Variants in GNAO1 observed in about 807,000 individuals in gnomAD.
GNAO1 encodes guanine nucleotide-binding protein G(o) subunit alpha.
For missense variants in GNAO1, 166 were observed against 478.7 expected, an observed-to-expected ratio of 0.35 and a Z score of 6.10; for synonymous variants, 164 against 180.7, an observed-to-expected ratio of 0.91 and a Z score of 0.74.
At chr16:56,321,630 T>C (rs1337969794) in intron 3 of GNAO1, among the ~76,000 whole-genome samples, 1 of 152,174 alleles carries the variant, frequency 6.6e-6, no homozygotes, top group Non-Finnish European at 1.5e-5. Context: ...CAGACTGGGC[T>C]GGAGAAGGGT....
intron 6 of GNAO1, chr16:56,343,892 T>C (rs2037834621): frequency 1.2e-6 from 2 of 1,614,194 alleles, no homozygotes; most frequent in Admixed American, 3.3e-5. Flanking sequence ...CAGTTTGTCT[T>C]TGATGCTGTG....
intron 6 of GNAO1, among the ~76,000 whole-genome samples, chr16:56,338,677 C>G (rs964200701): frequency 5.3e-5 from 8 of 152,246 alleles, no homozygotes; most frequent in African/African-American, 1.9e-4. Context: ...GGCTTCAACC[C>G]AAGTCCCAGG....
intron 3 of GNAO1, among the ~76,000 whole-genome samples, chr16:56,297,436 T>G (rs1411195150): frequency 1.3e-5 from 2 of 152,160 alleles, no homozygotes; most frequent in East Asian, 3.9e-4. Flanking sequence ...CTGGGATTTC[T>G]AAATCCAAAC....
At chr16:56,350,744 A>C (rs143489178) in intron 6 of GNAO1, among the ~76,000 whole-genome samples, 81 of 152,182 alleles carry the variant, frequency 5.3e-4, no homozygotes, top group Non-Finnish European at 1.1e-3. Flanking sequence ...AGGACCTGGC[A>C]TGCCTTCCCC....
At chr16:56,211,880 G>GCT (rs1189806734) in intron 2 of GNAO1, among the ~76,000 whole-genome samples, 2 of 152,218 alleles carry the variant, frequency 1.3e-5, no homozygotes, top group Non-Finnish European at 2.9e-5. Flanking sequence ...GCCCAGCAGT[G>GCT]CTCTATTCAG....
intron 2 of GNAO1, among the ~76,000 whole-genome samples, chr16:56,228,195 G>C (rs1279350267): frequency 7.9e-5 from 12 of 152,310 alleles, no homozygotes; most frequent in Admixed American, 7.2e-4. Flanking sequence ...ACAGTTATGT[G>C]TTCCAAGTGC....
intron 3 of GNAO1, among the ~76,000 whole-genome samples, chr16:56,281,848 G>T (rs1034849696): frequency 6.6e-5 from 10 of 152,146 alleles, no homozygotes; most frequent in Non-Finnish European, 1.2e-4. Context: ...GGGGGGATGG[G>T]GAAAGCTTTG....
intron 2 of GNAO1, among the ~76,000 whole-genome samples, chr16:56,224,621 C>CAAGT (rs2036518652): frequency 6.6e-6 from 1 of 152,184 alleles, no homozygotes; most frequent in Non-Finnish European, 1.5e-5. Context: ...GCTGTGACTA[C>CAAGT]AGCGTGCATC....
intron 3 of GNAO1, among the ~76,000 whole-genome samples, chr16:56,318,676 G>C (rs1173167777): frequency 6.6e-6 from 1 of 152,212 alleles, no homozygotes; most frequent in African/African-American, 2.4e-5. Context: ...ATCCAAAGCA[G>C]CTCCTCAAAT....
intron 2 of GNAO1, among the ~76,000 whole-genome samples, chr16:56,268,729 A>G (rs2036983358): frequency 6.6e-6 from 1 of 152,030 alleles, no homozygotes; most frequent in African/African-American, 2.4e-5. Context: ...TTCTCCCTCC[A>G]TACCACACCC....
intron 3 of GNAO1, among the ~76,000 whole-genome samples, chr16:56,296,946 C>A (rs1285661641): frequency 6.6e-6 from 1 of 152,090 alleles, no homozygotes; most frequent in African/African-American, 2.4e-5. Flanking sequence ...ATGGTGGGGC[C>A]CCACTTCAAA....
intron 2 of GNAO1, among the ~76,000 whole-genome samples, chr16:56,225,279 G>A (rs758630257): frequency 1.1e-4 from 17 of 152,344 alleles, no homozygotes; most frequent in Middle Eastern, 3.4e-3. Flanking sequence ...TGATGTCAGG[G>A]TTACCAGGTA....
At position 56,354,500 on chromosome 16, in the gene GNAO1, AC is replaced by A. The variant is rs1309692613; in HGVS notation, c.878-362del. 1.3e-5 allele frequency among the ~76,000 whole-genome samples: 2 copies of A among 152,058 alleles called. No homozygotes were observed. Among genetic ancestry groups the A allele is most frequent in the African/African-American group, 4.8e-5 (2 of 41,396 alleles). ...AGACCAACCTGGCCAACATGGTGAAACCCCGTCTCTACTAAAAATACAAAAA... is the reference window on the plus strand; with the variant it reads ...AGACCAACCTGGCCAACATGGTGAAACCCGTCTCTACTAAAAATACAAAAA... On this transcript the variant is annotated intron_variant, in intron 7 of 8. Coordinates refer to ENST00000262493, the MANE Select transcript of GNAO1 (RefSeq NM_020988.3). The surrounding 1 kb of genome is among the most constrained non-coding windows in gnomAD (Gnocchi z 4.3).
At chr16:56,234,617 T>C (rs1477705069) in intron 2 of GNAO1, among the ~76,000 whole-genome samples, 2 of 152,166 alleles carry the variant, frequency 1.3e-5, no homozygotes, top group Admixed American at 6.5e-5. Context: ...GCAGCTTCCA[T>C]TTTCCCCTGT....
chr16:56,210,201 A>G (rs987325014), intron 2 of GNAO1, among the ~76,000 whole-genome samples: 1 of 152,182 alleles, frequency 6.6e-6, no homozygotes, highest in Non-Finnish European at 1.5e-5. Flanking sequence ...TTCTCTTAGT[A>G]ATATATATGT....
chr16:56,203,070 A>G (rs2036294757), intron 2 of GNAO1, among the ~76,000 whole-genome samples: 1 of 152,196 alleles, frequency 6.6e-6, no homozygotes, highest in African/African-American at 2.4e-5. Context: ...AGACAAATTC[A>G]ATTCTCAAAG....
intron 3 of GNAO1, among the ~76,000 whole-genome samples, chr16:56,299,229 C>T (rs565163650): frequency 6.6e-6 from 1 of 152,356 alleles, no homozygotes; most frequent in East Asian, 1.9e-4. Flanking sequence ...CTTCACTCTC[C>T]AGATGAAGCC....
At chr16:56,343,746 G>C (rs777695778) in intron 6 of GNAO1, 1 of 1,605,118 alleles carries the variant, frequency 6.2e-7, no homozygotes, top group South Asian at 1.1e-5. Flanking sequence ...ACCACACCTT[G>C]CCTGTTTGCT....
chr16:56,298,171 C>CA (rs2143576574), intron 3 of GNAO1, among the ~76,000 whole-genome samples: 1 of 152,216 alleles, frequency 6.6e-6, no homozygotes, highest in East Asian at 1.9e-4. Context: ...GACCCTGTCT[C>CA]AAAAAATAAA....
Sources: allele counts gnomAD v4.1 joint callset (sites outside exome capture counted in the v4.1 genomes callset), GRCh38; gene constraint gnomAD v4.1.1; non-coding constraint Gnocchi (gnomAD v3.1); transcripts MANE v1.5; gene names NCBI Gene and HGNC (gene_info 2026-07-23, HGNC 2026-07-21).